Variants in SGPL1 observed in about 807,000 individuals in gnomAD.
The protein encoded by SGPL1 is SP-lyase 1.
SGPL1 carries 37 observed loss-of-function variants against 68.9 expected under a neutral mutation model. That is an observed-to-expected ratio of 0.54 (90% CI 0.41 to 0.71). The LOEUF is 0.71. SGPL1 is among the 30% of genes least tolerant of loss of function. The pLI, the probability that SGPL1 is intolerant of heterozygous loss-of-function variation, is 0.00. For missense variants in SGPL1, 551 were observed against 704.6 expected, an observed-to-expected ratio of 0.78 and a Z score of 2.47; for synonymous variants, 236 against 248.5, an observed-to-expected ratio of 0.95 and a Z score of 0.47.
In SGPL1 at chr10:70,861,742, C is replaced by T. The variant is rs576917244; in HGVS notation, c.615+2243C>T. On this transcript the variant is annotated intron_variant, in intron 7 of 14. Coordinates refer to ENST00000373202, the MANE Select transcript of SGPL1 (RefSeq NM_003901.4). The stretch of plus-strand genomic sequence containing the variant: ...TGGCGGGCCCCGCACTCGGAGCAGC[C>T]GGCCGGCCCTGCCGGCCCCGGGCAA... 8.5e-5 allele frequency among the ~76,000 whole-genome samples: 13 copies of T among 152,322 alleles called. No individual in the cohort carries two copies. In the East Asian group the frequency reaches 1.5e-3, roughly 18 times the overall value.
chr10:70,875,628 A>G, intron 13 of SGPL1, 80 bp downstream of exon 13: 1 of 1,131,404 alleles, frequency 8.8e-7, no homozygotes, highest in Non-Finnish European at 1.3e-6. Context: ...CCTGAAGTAT[A>G]GAGTTTGACT....
Position 70,879,357 on chromosome 10 carries a change from A to G in SGPL1, c.*2022A>G, listed in dbSNP as rs952280865. On this transcript the variant is annotated 3_prime_UTR_variant, in exon 15 of 15. Transcript: ENST00000373202. ...ACAACTGTGACTAGCTGGCCACGCC[A>G]TTCAGGGCTGGTGTGGCATTTATGT... 3.4e-5 allele frequency: 5 copies of G among 149,144 alleles called. No homozygotes were observed. Among genetic ancestry groups the G allele is most frequent in the Admixed American group, 6.8e-5 (1 of 14,740 alleles). The allele number at this position is 149,144 out of a possible 1,614,324, so 9.2% of individuals were successfully genotyped here.
In SGPL1 at chr10:70,877,204, T is replaced by G; in HGVS notation, c.1576T>G (p.Tyr526Asp). ...TTCTTTGGATTTGTAGGGTGCCATC[T>G]ATGGCATGGCCCAGACAACTGTTGA... ...KAKTTGMGAI[Y>D]GMAQTTVDRN... The change falls in exon 15 of 15, where the codon TAT becomes GAT. Residue 526 changes from tyrosine (Y) to aspartate (D), a missense_variant. Transcript: ENST00000373202. 1 of 1,614,208 alleles carries G rather than the reference T, an allele frequency of 6.2e-7. No individual in the cohort carries two copies. The highest frequency in any genetic ancestry group is 8.5e-7 in the Non-Finnish European group (1 of 1,179,992).
chr10:70,877,235 A>G lies in SGPL1; in HGVS notation c.1607A>G (p.Asn536Ser), dbSNP rs764750180. Residue 536 changes from asparagine to serine, a missense_variant, in exon 15 of 15, where the codon AAT (asparagine) becomes AGT (serine). Physicochemically the swap from Asn to Ser is conservative, Grantham distance 46. Transcript: ENST00000373202. ...YGMAQTTVDR[N>S]MVAELSSVFL... ...ATGGCCCAGACAACTGTTGACAGGA[A>G]TATGGTTGCAGAATTGTCCTCAGTC... 8 of 1,614,088 alleles carry G rather than the reference A, an allele frequency of 5.0e-6. No homozygotes were observed. The highest frequency in any genetic ancestry group is 6.8e-6 in the Non-Finnish European group (8 of 1,180,000).
At chr10:70,861,743 G>A (rs936642219) in intron 7 of SGPL1, among the ~76,000 whole-genome samples, 4 of 152,328 alleles carry the variant, frequency 2.6e-5, no homozygotes, top group South Asian at 2.1e-4. Flanking sequence ...CGGAGCAGCC[G>A]GCCGGCCCTG....
At chr10:70,832,873 T>C (rs1845568243) in intron 2 of SGPL1, among the ~76,000 whole-genome samples, 2 of 152,238 alleles carry the variant, frequency 1.3e-5, no homozygotes, top group Admixed American at 6.5e-5. Context: ...CCTCTGCTTA[T>C]TGAATTCAGT....
intron 7 of SGPL1, among the ~76,000 whole-genome samples, chr10:70,861,468 TCA>T (rs1474352851): frequency 1.3e-5 from 2 of 152,112 alleles, no homozygotes; most frequent in Non-Finnish European, 2.9e-5. Context: ...TAGTGAGAGG[TCA>T]CAGCGTGCTG....
At chr10:70,848,569 A>T (rs112862875) in intron 3 of SGPL1, among the ~76,000 whole-genome samples, 8,444 of 146,652 alleles carry the variant, frequency 0.058, 277 homozygotes, top group Non-Finnish European at 0.064. Context: ...GGTTCAAGCG[A>T]TTCACTTGCT....
intron 2 of SGPL1, among the ~76,000 whole-genome samples, chr10:70,843,257 CTGTGTG>C (rs56785272): frequency 6.7e-6 from 1 of 150,016 alleles, no homozygotes; most frequent in East Asian, 1.9e-4. Context: ...ATGTATGTGC[CTGTGTG>C]TGTGTGTGTG....
At chr10:70,847,385 G>C (rs1845808397) in intron 3 of SGPL1, among the ~76,000 whole-genome samples, 1 of 152,102 alleles carries the variant, frequency 6.6e-6, no homozygotes. Flanking sequence ...CTGACCTCAG[G>C]TGATCCGCCC....
At chr10:70,867,647 C>T (rs1404135191) in intron 7 of SGPL1, among the ~76,000 whole-genome samples, 1 of 151,884 alleles carries the variant, frequency 6.6e-6, no homozygotes, top group Non-Finnish European at 1.5e-5. Context: ...CAGACTGGTC[C>T]CTACTTTCAT....
chr10:70,817,894 G>A (rs1845265098), intron 2 of SGPL1, among the ~76,000 whole-genome samples: 1 of 152,220 alleles, frequency 6.6e-6, no homozygotes, highest in Non-Finnish European at 1.5e-5. Context: ...AGGTATGCCT[G>A]CTTTAGAGCT....
At chr10:70,852,981 G>T (rs1845911236) in intron 4 of SGPL1, among the ~76,000 whole-genome samples, 1 of 152,190 alleles carries the variant, frequency 6.6e-6, no homozygotes, top group Non-Finnish European at 1.5e-5. Context: ...CAGGCTTTGA[G>T]GCAAGAATTG....
chr10:70,840,466 G>T (rs1845697375), intron 2 of SGPL1, among the ~76,000 whole-genome samples: 1 of 152,064 alleles, frequency 6.6e-6, no homozygotes, highest in Admixed American at 6.6e-5. Context: ...GATACCTTAT[G>T]CCACAGAGCC....
Position 70,829,075 on chromosome 10 carries a change from C to A in SGPL1, c.27+12195C>A, listed in dbSNP as rs574094656. ...GAAAGCCTAAGACTCTGTTACCCAG[C>A]CCTTTCTGAAAATGTTTTCAAATGC... On this transcript the variant is annotated intron_variant, in intron 2 of 14. Transcript: ENST00000373202. Among the ~76,000 whole-genome samples, 2 of 152,206 alleles carry A rather than the reference C, an allele frequency of 1.3e-5. 1 individual carries two copies. The highest frequency in any genetic ancestry group is 4.1e-4 in the South Asian group (2 of 4,822).
intron 7 of SGPL1, among the ~76,000 whole-genome samples, chr10:70,868,004 TA>T (rs1194355359): frequency 6.6e-6 from 1 of 152,256 alleles, no homozygotes; most frequent in African/African-American, 2.4e-5. Flanking sequence ...AAAATTCTGA[TA>T]TTTTTGAATG....
Position 70,880,536 on chromosome 10 carries a change from T to C in SGPL1, c.*3201T>C, listed in dbSNP as rs1846481387. On this transcript the variant is annotated 3_prime_UTR_variant, in exon 15 of 15. Coordinates refer to ENST00000373202, the MANE Select transcript of SGPL1 (RefSeq NM_003901.4). Reference sequence around the variant, plus strand: ...GTGGTTCTGTCTAACCAAAGGGCATTGGCCTCAAACCCTGCATTTGGTTTA... The same window carrying C: ...GTGGTTCTGTCTAACCAAAGGGCATCGGCCTCAAACCCTGCATTTGGTTTA... 1.3e-5 allele frequency: 2 copies of C among 152,224 alleles called. No homozygotes were observed. The highest frequency in any genetic ancestry group is 1.3e-4 in the Admixed American group (2 of 15,280). 9.4% of individuals were successfully genotyped at this position (152,224 alleles called of 1,614,324 possible). A position where few individuals can be genotyped will look rare whatever the true frequency, so the allele number is the denominator to read the frequency against.
chr10:70,836,574 C>G (rs1033844124), intron 2 of SGPL1, among the ~76,000 whole-genome samples: 2 of 152,016 alleles, frequency 1.3e-5, no homozygotes, highest in African/African-American at 2.4e-5. Flanking sequence ...CTTTGCCTTT[C>G]CCTTTCCCTT....
chr10:70,827,069 A>C (rs1845450133), intron 2 of SGPL1, among the ~76,000 whole-genome samples: 1 of 152,238 alleles, frequency 6.6e-6, no homozygotes, highest in Non-Finnish European at 1.5e-5. Context: ...GCTGATTGTA[A>C]AGGCATACAT....
Sources: gnomAD v4.1 joint callset for allele counts (sites outside exome capture counted in the v4.1 genomes callset) on GRCh38, gnomAD v4.1.1 for gene constraint, MANE v1.5 for transcripts, NCBI Gene and HGNC (gene_info 2026-07-23, HGNC 2026-07-21) for gene names.